Variants in KCNH7 observed in about 807,000 individuals in gnomAD.
KCNH7 encodes the protein potassium voltage-gated channel subfamily H member 7, also known as voltage-gated inwardly rectifying potassium channel KCNH7.
Under a neutral mutation model 120.8 loss-of-function variants are expected in KCNH7, and 49 were observed. The ratio of observed to expected loss-of-function variants is 0.41; its 90% confidence interval spans 0.32 to 0.51. KCNH7 has a LOEUF of 0.51. Ranked by LOEUF, KCNH7 falls within the 20% of genes least tolerant of loss-of-function variation. KCNH7 has a pLI of 0.38. For missense variants in KCNH7, 1,097 were observed against 1,446.6 expected (o/e 0.76, Z 3.92); for synonymous variants, 547 against 516.1 (o/e 1.06, Z -0.81).
intron 2 of KCNH7, among the ~76,000 whole-genome samples, chr2:162,697,828 C>T (rs994950860): frequency 6.6e-6 from 1 of 151,924 alleles, no homozygotes; most frequent in Non-Finnish European, 1.5e-5. Flanking sequence ...CCTCGGTTGC[C>T]TCATCTTAAT....
At chr2:162,781,970 G>A (rs1683511296) in intron 2 of KCNH7, among the ~76,000 whole-genome samples, 1 of 152,162 alleles carries the variant, frequency 6.6e-6, no homozygotes, top group East Asian at 1.9e-4. Flanking sequence ...ATGAAAAACT[G>A]ACTGGAATTT....
rs1685952108 is a variant in KCNH7 at position 162,371,690 on chromosome 2, A to G, written c.*139T>C. On this transcript the variant is annotated 3_prime_UTR_variant, in exon 16 of 16. Coordinates refer to ENST00000332142, the MANE Select transcript of KCNH7 (RefSeq NM_033272.4). ...GCTCAGTTTTACCTTACAAGCTTCA[A>G]TTTAGGAAAATATACAGTACTTTTG... The G allele has an allele frequency of 1.1e-6, 1 of 910,242 alleles. No individual in the cohort carries two copies. The highest frequency in any genetic ancestry group is 1.6e-6 in the Non-Finnish European group (1 of 628,714). The allele number at this position is 910,242 out of a possible 1,614,324, so 56.4% of individuals were successfully genotyped here. A position where few individuals can be genotyped will look rare whatever the true frequency, so the allele number is the denominator to read the frequency against.
chr2:162,797,443 T>G (rs1156696229), intron 2 of KCNH7: 2 of 152,054 alleles, frequency 1.3e-5, no homozygotes, highest in Non-Finnish European at 2.9e-5. Context: ...CACATATCTT[T>G]GGGAACCAAG....
chr2:162,697,932 A>G lies in KCNH7; in HGVS notation c.307+138605T>C, dbSNP rs142517284. ...GCCTCAATTTCTGAAAACAATAAGA[A>G]TATTTAATTTCCCAAATTGGACTTC... On this transcript the variant is annotated intron_variant, in intron 2 of 15. Transcript: ENST00000332142. 3.3e-4 allele frequency among the ~76,000 whole-genome samples: 50 copies of G among 152,242 alleles called. 1 individual carries two copies. The East Asian group carries it at 7.1e-3, about 22-fold the overall frequency.
At chr2:162,625,398 T>C (rs1213740673) in intron 2 of KCNH7, among the ~76,000 whole-genome samples, 1 of 152,182 alleles carries the variant, frequency 6.6e-6, no homozygotes, top group African/African-American at 2.4e-5. Context: ...CTTTACCCAG[T>C]ATGTGATCAG....
intron 15 of KCNH7, among the ~76,000 whole-genome samples, chr2:162,372,778 A>G (rs1029585854): frequency 3.3e-5 from 5 of 152,154 alleles, no homozygotes; most frequent in Admixed American, 3.3e-4. Flanking sequence ...ATAATGTTTA[A>G]CTAATTAAGA....
At chr2:162,504,413 G>A (rs1350563859) in intron 6 of KCNH7, 30 bp downstream of exon 6, 4 of 1,514,634 alleles carry the variant, frequency 2.6e-6, no homozygotes, top group Admixed American at 1.7e-5. Context: ...CTCTAAAACA[G>A]TTGAAATTGA....
intron 2 of KCNH7, among the ~76,000 whole-genome samples, chr2:162,687,359 T>C (rs897564821): frequency 3.3e-5 from 5 of 152,158 alleles, no homozygotes; most frequent in Non-Finnish European, 7.4e-5. Context: ...CATAACTATT[T>C]TTAATAATTA....
rs143477881 is a variant in KCNH7 at position 162,788,792 on chromosome 2, G to T, written c.307+47745C>A. On this transcript the variant is annotated intron_variant, in intron 2 of 15. Coordinates refer to ENST00000332142, the MANE Select transcript of KCNH7 (RefSeq NM_033272.4). ...CATAAAATGTAAATTACCCCAAATA[G>T]ATCAAACATAAAGAGATCGTCACTG... is the stretch of plus-strand genomic sequence containing the variant. 1.6e-3 allele frequency among the ~76,000 whole-genome samples: 248 copies of T among 151,910 alleles called. 1 individual carries two copies. Among genetic ancestry groups the T allele is most frequent in the African/African-American group, 5.8e-3 (239 of 41,488 alleles).
intron 2 of KCNH7, among the ~76,000 whole-genome samples, chr2:162,816,359 T>C (rs1684919316): frequency 6.6e-6 from 1 of 152,050 alleles, no homozygotes; most frequent in Non-Finnish European, 1.5e-5. Context: ...GTGTTTTGTT[T>C]TAGTTTGAAA....
Position 162,469,102 on chromosome 2 carries a change from A to G in KCNH7, c.1129-22659T>C, listed in dbSNP as rs113845084. Among the ~76,000 whole-genome samples the G allele has an allele frequency of 2.9e-3, 442 of 152,258 alleles. 2 individuals carry two copies. Among genetic ancestry groups the G allele is most frequent in the African/African-American group, 0.01 (425 of 41,550 alleles). ...AACAATTCTCCTGCTTTAGTCTCCC[A>G]AAGTTTTGGGATTATAGGTGTGAGC... On this transcript the variant is annotated intron_variant, in intron 6 of 15. Coordinates refer to ENST00000332142, the MANE Select transcript of KCNH7 (RefSeq NM_033272.4).
chr2:162,650,760 A>C (rs1454523387), intron 2 of KCNH7, among the ~76,000 whole-genome samples: 1 of 152,184 alleles, frequency 6.6e-6, no homozygotes, highest in East Asian at 1.9e-4. Flanking sequence ...GCTCTACCAG[A>C]GCAAGGGTTG....
intron 2 of KCNH7, among the ~76,000 whole-genome samples, chr2:162,675,042 A>G (rs1032449633): frequency 6.6e-6 from 1 of 151,618 alleles, no homozygotes; most frequent in Admixed American, 6.6e-5. Context: ...AAAGGTATTT[A>G]TAGCAAATAA....
chr2:162,675,490 T>A (rs893847756), intron 2 of KCNH7, among the ~76,000 whole-genome samples: 8 of 151,552 alleles, frequency 5.3e-5, no homozygotes, highest in African/African-American at 1.9e-4. Flanking sequence ...TATTAAAGAA[T>A]ATTGGATAAA....
intron 6 of KCNH7, among the ~76,000 whole-genome samples, chr2:162,457,484 A>G (rs1689007598): frequency 6.6e-6 from 1 of 152,184 alleles, no homozygotes; most frequent in Non-Finnish European, 1.5e-5. Context: ...ATGCTAGTAC[A>G]CTGCTATTTG....
intron 6 of KCNH7, among the ~76,000 whole-genome samples, chr2:162,491,865 T>A (rs1164754502): frequency 6.6e-6 from 1 of 152,228 alleles, no homozygotes; most frequent in Non-Finnish European, 1.5e-5. Flanking sequence ...CCTGAATCAC[T>A]GGGATTCCTT....
chr2:162,420,407 A>T (rs1687666032), intron 9 of KCNH7, among the ~76,000 whole-genome samples: 1 of 151,960 alleles, frequency 6.6e-6, no homozygotes, highest in South Asian at 2.1e-4. Context: ...AACAATACAA[A>T]ACAAAACAAA....
At chr2:162,442,597 G>A (rs149139818) in intron 7 of KCNH7, among the ~76,000 whole-genome samples, 4 of 151,960 alleles carry the variant, frequency 2.6e-5, no homozygotes, top group Non-Finnish European at 5.9e-5. Context: ...ACTGGCTCAC[G>A]CCTGTAATTC....
intron 2 of KCNH7, among the ~76,000 whole-genome samples, chr2:162,815,846 C>T (rs1303943513): frequency 6.6e-6 from 1 of 152,184 alleles, no homozygotes; most frequent in Non-Finnish European, 1.5e-5. Flanking sequence ...ATCTAAATTT[C>T]AGGATTATGG....
Sources: allele counts gnomAD v4.1 joint callset (sites outside exome capture counted in the v4.1 genomes callset), GRCh38; gene constraint gnomAD v4.1.1; transcripts MANE v1.5; gene names NCBI Gene and HGNC (gene_info 2026-07-23, HGNC 2026-07-21).